Variants in RGPD2 observed in about 807,000 individuals in gnomAD.
RGPD2 encodes RANBP2-like and GRIP domain-containing protein 2.
A neutral mutation model predicts 36.0 loss-of-function variants in RGPD2; 2 were observed. That is an observed-to-expected ratio of 0.06 (90% confidence interval 0.02 to 0.17). RGPD2 has a LOEUF of 0.17. Ranked by LOEUF, RGPD2 falls within the 10% of genes least tolerant of loss-of-function variation. RGPD2 has a pLI of 1.00. For synonymous variants in RGPD2, 19 were observed against 163.8 expected (o/e 0.12, Z 6.75); for missense variants, 40 against 464.3 (o/e 0.09, Z 8.40).
chr2:87,864,352 C>T, the RGPD2 span, among the ~76,000 whole-genome samples: 99 of 152,370 alleles, frequency 6.5e-4, no homozygotes, highest in African/African-American at 2.1e-3. Flanking sequence ...GCATTTGGAC[C>T]GGGACTTACA....
chr2:87,842,316 G>A, the RGPD2 span, among the ~76,000 whole-genome samples: 5 of 146,856 alleles, frequency 3.4e-5, no homozygotes, highest in South Asian at 2.2e-4. Flanking sequence ...AAACCACATC[G>A]TCTCAGCCCA....
At chr2:87,944,637 A>ATT in the RGPD2 span, among the ~76,000 whole-genome samples, 1 of 119,568 alleles carries the variant, frequency 8.4e-6, no homozygotes, top group South Asian at 2.5e-4. Context: ...TTCAGATGGC[A>ATT]TTTTTTTTTT....
the RGPD2 span, among the ~76,000 whole-genome samples, chr2:87,885,050 T>G: frequency 6.6e-6 from 1 of 152,036 alleles, no homozygotes; most frequent in African/African-American, 2.4e-5. Flanking sequence ...ACAATATGCA[T>G]ATGGACTCCA....
At chr2:87,940,530 T>A in the RGPD2 span, among the ~76,000 whole-genome samples, 9 of 127,244 alleles carry the variant, frequency 7.1e-5, no homozygotes, top group South Asian at 1.9e-3. Flanking sequence ...GATTAATAAA[T>A]GGCATCGTAA....
At chr2:87,880,852 G>C in the RGPD2 span, among the ~76,000 whole-genome samples, 1 of 99,280 alleles carries the variant, frequency 1.0e-5, no homozygotes, top group South Asian at 4.1e-4. Flanking sequence ...GACAAGGCAG[G>C]TTCCTTCCAC....
the RGPD2 span, among the ~76,000 whole-genome samples, chr2:87,905,695 G>A: frequency 4.8e-5 from 7 of 146,272 alleles, no homozygotes; most frequent in South Asian, 2.2e-4. Context: ...TTATACATAC[G>A]CATACAGTTA....
At chr2:87,956,055 A>AG in the RGPD2 span, among the ~76,000 whole-genome samples, 2 of 102,550 alleles carry the variant, frequency 2.0e-5, no homozygotes, top group Non-Finnish European at 4.0e-5. Flanking sequence ...TTTTAGAATG[A>AG]AGCAGCAAAA....
chr2:87,986,058 C>T, the RGPD2 span: 26 of 610,580 alleles, frequency 4.3e-5, no homozygotes, highest in Admixed American at 1.2e-4. Flanking sequence ...CAATGAGATG[C>T]AAGCATTACC....
chr2:87,913,266 C>A, the RGPD2 span, among the ~76,000 whole-genome samples: 3 of 151,170 alleles, frequency 2.0e-5, no homozygotes, highest in African/African-American at 7.3e-5. Flanking sequence ...AGTTGGAAAC[C>A]ATCATTCTCA....
the RGPD2 span, among the ~76,000 whole-genome samples, chr2:87,988,136 C>T: frequency 6.6e-6 from 1 of 150,380 alleles, no homozygotes; most frequent in Non-Finnish European, 1.5e-5. Context: ...ATGTCATGAA[C>T]TTCCTTATAT....
At chr2:87,883,336 A>G in the RGPD2 span, among the ~76,000 whole-genome samples, 3 of 152,102 alleles carry the variant, frequency 2.0e-5, no homozygotes, top group African/African-American at 7.2e-5. Flanking sequence ...TAAAAAAGAT[A>G]TCCAAACAAT....
the RGPD2 span, among the ~76,000 whole-genome samples, chr2:87,878,747 C>T: frequency 6.6e-6 from 1 of 152,190 alleles, no homozygotes. Flanking sequence ...AACGCTTACC[C>T]CCACAGCCTC....
At chr2:87,984,720 G>A in the RGPD2 span, among the ~76,000 whole-genome samples, 1 of 148,488 alleles carries the variant, frequency 6.7e-6, no homozygotes, top group East Asian at 2.0e-4. Context: ...CACGAGGTCA[G>A]GAGATCGAGA....
the RGPD2 span, among the ~76,000 whole-genome samples, chr2:87,858,084 T>C: frequency 1.3e-5 from 2 of 152,264 alleles, no homozygotes; most frequent in African/African-American, 4.8e-5. Context: ...TGTATTTCCA[T>C]GTGTAGATAT....
chr2:87,939,318 T>C, the RGPD2 span, among the ~76,000 whole-genome samples: 1 of 152,150 alleles, frequency 6.6e-6, no homozygotes, highest in Non-Finnish European at 1.5e-5. Context: ...CTTCCCATTG[T>C]ATTCTTAAAG....
the RGPD2 span, among the ~76,000 whole-genome samples, chr2:87,843,656 A>C: frequency 6.6e-6 from 1 of 151,924 alleles, no homozygotes; most frequent in African/African-American, 2.4e-5. Context: ...CAGTGTGGCA[A>C]TTCCTCAGGA....
chr2:87,878,554 C>G, the RGPD2 span, among the ~76,000 whole-genome samples: 2 of 152,110 alleles, frequency 1.3e-5, no homozygotes, highest in Non-Finnish European at 2.9e-5. Flanking sequence ...ATTAGTATAT[C>G]CATCACCTGA....
intron 1 of RGPD2, chr2:87,825,010 C>A: frequency 2.5e-6 from 1 of 393,074 alleles, no homozygotes; most frequent in Non-Finnish European, 4.5e-6. Context: ...TATTCCTCAT[C>A]ACTCAGCTAA....
the RGPD2 span, among the ~76,000 whole-genome samples, chr2:87,860,685 A>C: frequency 6.6e-6 from 1 of 152,118 alleles, no homozygotes; most frequent in Admixed American, 6.6e-5. Flanking sequence ...ACAAACTCTA[A>C]TTCCATGTAA....
Sources: allele counts gnomAD v4.1 joint callset (sites outside exome capture counted in the v4.1 genomes callset), GRCh38; gene constraint gnomAD v4.1.1; transcripts MANE v1.5; gene names NCBI Gene and HGNC (gene_info 2026-07-23, HGNC 2026-07-21).